NPAS3: variants seen among roughly 807,000 people sequenced by gnomAD.
NPAS3 encodes the protein neuronal PAS domain-containing protein 3.
In NPAS3, 14 loss-of-function variants were observed where a neutral mutation model predicts 73.1. That is an observed-to-expected ratio of 0.19 (90% CI 0.13 to 0.30). NPAS3 has a LOEUF of 0.30. Ranked by LOEUF, NPAS3 falls within the 10% of genes least tolerant of loss-of-function variation. The pLI is 1.00. For synonymous variants in NPAS3, 620 were observed against 541.5 expected (o/e 1.14, Z -2.01); for missense variants, 1,096 against 1,250.0 (o/e 0.88, Z 1.86).
intron 2 of NPAS3, among the ~76,000 whole-genome samples, chr14:33,126,638 A>G (rs1380665593): frequency 1.3e-5 from 2 of 152,108 alleles, no homozygotes; most frequent in Admixed American, 6.6e-5. Flanking sequence ...GGATGGTGTA[A>G]GGTAATGAAG....
intron 4 of NPAS3, among the ~76,000 whole-genome samples, chr14:33,538,425 C>T (rs749914886): frequency 5.1e-4 from 77 of 152,276 alleles, no homozygotes; most frequent in African/African-American, 1.7e-3. Context: ...AATAAAACTC[C>T]GATATCCCTG....
chr14:33,159,816 G>A lies in NPAS3; in HGVS notation c.141-55366G>A, dbSNP rs2044791446. Among the ~76,000 whole-genome samples, 3 of 152,152 alleles carry A rather than the reference G, an allele frequency of 2.0e-5. No homozygotes were observed. In the South Asian group the frequency reaches 6.2e-4, roughly 31 times the overall value. On this transcript the variant is annotated intron_variant, in intron 2 of 11. Coordinates refer to ENST00000356141, the Ensembl canonical transcript of NPAS3. Reference sequence around the variant, plus strand: ...GATCCACCTGCCTCGGCCTCCCAAAGTGCTGGGATTATAGGCGTGAGCCAC... The same window carrying A: ...GATCCACCTGCCTCGGCCTCCCAAAATGCTGGGATTATAGGCGTGAGCCAC...
intron 1 of NPAS3, among the ~76,000 whole-genome samples, chr14:33,054,613 AGT>A (rs2040818427): frequency 3.0e-5 from 2 of 67,724 alleles, no homozygotes; most frequent in African/African-American, 1.6e-4. Context: ...AACTTATCTG[AGT>A]TTTTTTTTTT....
chr14:33,238,292 T>A (rs1390513941), intron 3 of NPAS3, among the ~76,000 whole-genome samples: 1 of 152,058 alleles, frequency 6.6e-6, no homozygotes, highest in Non-Finnish European at 1.5e-5. Flanking sequence ...TCTGTTAATA[T>A]GCATGTAAAT....
At position 33,411,234 on chromosome 14, in the gene NPAS3, G is replaced by A. The variant is rs571193034; in HGVS notation, c.468+43966G>A. ...GACGGAGTCTCACTTTGTCACCCAG[G>A]CTGGAGTATAGTGGCACAATCTCGG... is the stretch of plus-strand genomic sequence containing the variant. On this transcript the variant is annotated intron_variant, in intron 4 of 11. Transcript: ENST00000356141. Among the ~76,000 whole-genome samples, 17 of 152,326 alleles carry A rather than the reference G, an allele frequency of 1.1e-4. No individual in the cohort carries two copies. The South Asian group carries it at 3.5e-3, about 32-fold the overall frequency.
At chr14:33,564,237 T>C (rs1025752640) in intron 5 of NPAS3, among the ~76,000 whole-genome samples, 1 of 152,140 alleles carries the variant, frequency 6.6e-6, no homozygotes, top group Non-Finnish European at 1.5e-5. Flanking sequence ...ATGAGCTTCA[T>C]GGTAACCAAA....
intron 2 of NPAS3, among the ~76,000 whole-genome samples, chr14:33,155,036 A>G (rs2044598169): frequency 6.6e-6 from 1 of 152,170 alleles, no homozygotes; most frequent in African/African-American, 2.4e-5. Context: ...TCAGCCATCT[A>G]AAAGTATAAA....
At chr14:33,236,741 A>T (rs144172419) in intron 3 of NPAS3, among the ~76,000 whole-genome samples, 1,631 of 152,198 alleles carry the variant, frequency 0.011, 28 homozygotes, top group African/African-American at 0.037. Flanking sequence ...GGCAAAGTAA[A>T]ATCATTTTGT....
rs954100991 is a variant in NPAS3 at position 33,800,502 on chromosome 14, G to C, written c.2195G>C (p.Gly732Ala). ...GCGGCCGCCCGCAAGACTCAGTTCG[G>C]CGCCTCGGCCACCGCGGCCCTGGCC... The change falls in exon 12 of 12, where the codon GGC becomes GCC. Residue 732 changes from glycine (G) to alanine (A), a missense_variant. Physicochemically the swap from Gly to Ala is moderately conservative, Grantham distance 60 (BLOSUM62 0). Coordinates refer to ENST00000356141, the Ensembl canonical transcript of NPAS3. This position sits in a 1 kb window ranked among gnomAD's most constrained non-coding sequence, Gnocchi z 6.5. 1.9e-5 allele frequency: 28 copies of C among 1,440,970 alleles called. No homozygotes were observed. The highest frequency in any genetic ancestry group is 2.4e-5 in the Non-Finnish European group (26 of 1,104,874). The allele number at this position is 1,440,970 out of a possible 1,614,324, so 89.3% of individuals were successfully genotyped here.
At chr14:33,359,421 C>T (rs1208437311) in intron 3 of NPAS3, among the ~76,000 whole-genome samples, 4 of 152,150 alleles carry the variant, frequency 2.6e-5, no homozygotes, top group African/African-American at 4.8e-5. Flanking sequence ...CAGATGTGGA[C>T]GTCTTCCTTT....
At chr14:33,238,355 C>T (rs1345415671) in intron 3 of NPAS3, among the ~76,000 whole-genome samples, 1 of 151,966 alleles carries the variant, frequency 6.6e-6, no homozygotes, top group Non-Finnish European at 1.5e-5. Context: ...GAAAGCATAT[C>T]CTTGTTCTTT....
intron 2 of NPAS3, among the ~76,000 whole-genome samples, chr14:33,138,025 T>C (rs577036032): frequency 1.3e-5 from 2 of 151,318 alleles, no homozygotes; most frequent in African/African-American, 4.9e-5. Context: ...TTTCTCATCT[T>C]GTGGAGAATT....
chr14:33,378,069 T>G (rs1464164907), intron 4 of NPAS3, among the ~76,000 whole-genome samples: 1 of 152,206 alleles, frequency 6.6e-6, no homozygotes, highest in African/African-American at 2.4e-5. Flanking sequence ...TGCACTTGGT[T>G]ATATGGACTT....
At chr14:33,560,138 A>C (rs1327713116) in exon 5 of NPAS3, 2 of 868,176 alleles carry the variant, frequency 2.3e-6, no homozygotes, top group Non-Finnish European at 4.0e-6. Context: ...ATGGCTTTGT[A>C]TTTGCACTAA....
At chr14:33,629,910 C>G (rs1221877553) in intron 5 of NPAS3, among the ~76,000 whole-genome samples, 1 of 152,134 alleles carries the variant, frequency 6.6e-6, no homozygotes, top group Non-Finnish European at 1.5e-5. Flanking sequence ...AATGAGCCAG[C>G]AAGATTCTTT....
At chr14:33,002,623 G>A (rs8023071) in intron 1 of NPAS3, among the ~76,000 whole-genome samples, 231 of 152,310 alleles carry the variant, frequency 1.5e-3, no homozygotes, top group African/African-American at 5.3e-3. Flanking sequence ...GTTGTGAAAC[G>A]TAGGATATAG....
At chr14:33,434,499 C>T (rs998211431) in intron 4 of NPAS3, among the ~76,000 whole-genome samples, 1 of 151,646 alleles carries the variant, frequency 6.6e-6, no homozygotes, top group Non-Finnish European at 1.5e-5. Context: ...TGCACCCCAG[C>T]CTGGGTGACA....
chr14:33,073,765 A>T (rs1368574769), intron 2 of NPAS3, among the ~76,000 whole-genome samples: 1 of 152,222 alleles, frequency 6.6e-6, no homozygotes, highest in East Asian at 1.9e-4. Flanking sequence ...ATACTGAAGT[A>T]TTTGGGCCAA....
chr14:33,334,681 A>C (rs2044136455), intron 3 of NPAS3, among the ~76,000 whole-genome samples: 1 of 151,076 alleles, frequency 6.6e-6, no homozygotes, highest in Admixed American at 6.6e-5. Flanking sequence ...TATTCTTTTT[A>C]CAAAATTTTA....
Sources: gnomAD v4.1 joint callset for allele counts (sites outside exome capture counted in the v4.1 genomes callset) on GRCh38, gnomAD v4.1.1 for gene constraint, Gnocchi (gnomAD v3.1) non-coding constraint, MANE v1.5 for transcripts, NCBI Gene and HGNC (gene_info 2026-07-23, HGNC 2026-07-21) for gene names.